KIF6: variants seen among roughly 807,000 people sequenced by gnomAD.
KIF6 encodes the protein kinesin family member 6, also known as kinesin-like protein KIF6.
Under a neutral mutation model 112.7 loss-of-function variants are expected in KIF6, and 106 were observed. That is an observed-to-expected ratio of 0.94 (90% CI 0.80 to 1.11). The LOEUF is 1.11. KIF6 is among the 50% of genes least tolerant of loss of function. The probability of loss-of-function intolerance (pLI) is 0.00; values close to 1 mark genes in which losing one functional copy is unlikely to be tolerated. For synonymous variants in KIF6, 339 were observed against 339.9 expected (o/e 1.00, Z 0.03); for missense variants, 929 against 964.0 (o/e 0.96, Z 0.48).
intron 15 of KIF6, among the ~76,000 whole-genome samples, chr6:39,399,411 A>C (rs1768519056): frequency 6.6e-6 from 1 of 152,148 alleles, no homozygotes; most frequent in African/African-American, 2.4e-5. Flanking sequence ...GAGTGAGCTG[A>C]GCCGGGTCCT....
At chr6:39,387,750 A>G (rs1029209170) in intron 15 of KIF6, among the ~76,000 whole-genome samples, 1 of 152,210 alleles carries the variant, frequency 6.6e-6, no homozygotes, top group Non-Finnish European at 1.5e-5. Context: ...AGTTGGGGAC[A>G]TAAGGCTGCT....
chr6:39,552,011 A>C (rs1779411635), intron 10 of KIF6, among the ~76,000 whole-genome samples: 1 of 152,252 alleles, frequency 6.6e-6, no homozygotes, highest in Non-Finnish European at 1.5e-5. Flanking sequence ...GCTCCATCCC[A>C]GACCTCCTGA....
chr6:39,697,843 C>T (rs934471162), intron 3 of KIF6, among the ~76,000 whole-genome samples: 8 of 152,228 alleles, frequency 5.3e-5, no homozygotes, highest in Non-Finnish European at 1.2e-4. Context: ...CCACCGTGCC[C>T]GGCCTAGACT....
chr6:39,495,814 A>G (rs1562264006), intron 13 of KIF6, among the ~76,000 whole-genome samples: 1 of 152,170 alleles, frequency 6.6e-6, no homozygotes, highest in African/African-American at 2.4e-5. Context: ...CATGGAGAGG[A>G]GAAAAACAGC....
intron 3 of KIF6, among the ~76,000 whole-genome samples, chr6:39,660,646 A>G (rs1353831433): frequency 6.6e-6 from 1 of 152,134 alleles, no homozygotes; most frequent in African/African-American, 2.4e-5. Flanking sequence ...GAGCCCCAAT[A>G]TTCAATTTAT....
At chr6:39,719,836 A>C (rs1352870885) in intron 2 of KIF6, among the ~76,000 whole-genome samples, 1 of 152,144 alleles carries the variant, frequency 6.6e-6, no homozygotes, top group African/African-American at 2.4e-5. Flanking sequence ...CAAAAAGATT[A>C]GTTGGGCATG....
At chr6:39,566,783 G>A (rs1378651699) in intron 10 of KIF6, among the ~76,000 whole-genome samples, 1 of 152,172 alleles carries the variant, frequency 6.6e-6, no homozygotes, top group East Asian at 1.9e-4. Flanking sequence ...TTAATTAGCT[G>A]TGAAATTTAG....
chr6:39,535,386 A>C (rs1452316476), intron 13 of KIF6, among the ~76,000 whole-genome samples: 1 of 152,064 alleles, frequency 6.6e-6, no homozygotes, highest in Non-Finnish European at 1.5e-5. Flanking sequence ...AGCAAATGGA[A>C]AACAAAAAAA....
intron 10 of KIF6, among the ~76,000 whole-genome samples, chr6:39,559,002 A>G (rs538936453): frequency 7.2e-5 from 11 of 152,190 alleles, no homozygotes. Flanking sequence ...TACAAGCTGT[A>G]GACCATGCTT....
chr6:39,391,911 A>G (rs1435792224), intron 15 of KIF6, among the ~76,000 whole-genome samples: 1 of 152,124 alleles, frequency 6.6e-6, no homozygotes, highest in African/African-American at 2.4e-5. Context: ...GTATAGGTGT[A>G]TGTATACATA....
chr6:39,357,242 G>A (rs1450612425), intron 19 of KIF6, 35 bp downstream of exon 19: 3 of 1,411,108 alleles, frequency 2.1e-6, no homozygotes, highest in East Asian at 4.6e-5. Context: ...GCCTTTTCTG[G>A]GAACTCTAAC....
At chr6:39,363,843 T>C (rs557621023) in intron 16 of KIF6, among the ~76,000 whole-genome samples, 7 of 152,204 alleles carry the variant, frequency 4.6e-5, no homozygotes, top group African/African-American at 1.7e-4. Flanking sequence ...ATCCCTCGTA[T>C]AACATTTCTG....
At chr6:39,568,738 A>G (rs1218981343) in intron 10 of KIF6, among the ~76,000 whole-genome samples, 1 of 151,832 alleles carries the variant, frequency 6.6e-6, no homozygotes, top group African/African-American at 2.4e-5. Flanking sequence ...TTTAGTAGAG[A>G]TGGGGTTTCA....
intron 22 of KIF6, among the ~76,000 whole-genome samples, chr6:39,337,269 G>T (rs1397079695): frequency 1.7e-5 from 1 of 60,108 alleles, no homozygotes; most frequent in Admixed American, 2.2e-4. Flanking sequence ...CCTCCCTCCA[G>T]CCTCCCCTCC....
intron 10 of KIF6, among the ~76,000 whole-genome samples, chr6:39,559,497 C>A (rs979676189): frequency 2.0e-5 from 3 of 152,074 alleles, no homozygotes; most frequent in African/African-American, 7.2e-5. Context: ...AGAAAAGGTG[C>A]TTCCTCAGCC....
At chr6:39,698,175 T>C (rs1452161774) in intron 3 of KIF6, among the ~76,000 whole-genome samples, 1 of 152,234 alleles carries the variant, frequency 6.6e-6, no homozygotes, top group Non-Finnish European at 1.5e-5. Context: ...TGTTACATTA[T>C]TCTTGTGGCT....
intron 10 of KIF6, among the ~76,000 whole-genome samples, chr6:39,557,871 A>G (rs916956860): frequency 1.3e-5 from 2 of 151,516 alleles, no homozygotes; most frequent in African/African-American, 4.8e-5. Context: ...TGTATTCATT[A>G]AAAATTTTGA....
In KIF6 at chr6:39,463,372, T is replaced by C. The variant is rs143352250; in HGVS notation, c.1646-32211A>G. 1.8e-3 allele frequency among the ~76,000 whole-genome samples: 278 copies of C among 152,338 alleles called. 1 individual carries two copies. Among genetic ancestry groups the C allele is most frequent in the African/African-American group, 6.4e-3 (267 of 41,588 alleles). ...ATCCAATCAAATTTCTCTGAAAATA[T>C]TCTTAAAAAAACATGTTATTTTTTC... On this transcript the variant is annotated intron_variant, in intron 13 of 22. Coordinates refer to ENST00000287152, the MANE Select transcript of KIF6 (RefSeq NM_145027.6).
chr6:39,700,232 A>T (rs529930756), intron 3 of KIF6, among the ~76,000 whole-genome samples: 2 of 152,346 alleles, frequency 1.3e-5, no homozygotes, highest in East Asian at 3.9e-4. Flanking sequence ...GCTATTCAAT[A>T]GTAGGTCTTA....
Sources: gnomAD v4.1 joint callset for allele counts (sites outside exome capture counted in the v4.1 genomes callset) on GRCh38, gnomAD v4.1.1 for gene constraint, MANE v1.5 for transcripts, NCBI Gene and HGNC (gene_info 2026-07-23, HGNC 2026-07-21) for gene names.